COTL1: variants seen among roughly 807,000 people sequenced by gnomAD.
COTL1 encodes coactosin like F-actin binding protein 1, also known as coactosin-like protein.
Under a neutral mutation model 16.5 loss-of-function variants are expected in COTL1, and 15 were observed. The observed-to-expected ratio is 0.91, with a 90% CI of 0.61 to 1.40. The LOEUF (loss-of-function observed/expected upper bound fraction) is 1.40, where lower values mean the gene tolerates loss of function less well. COTL1 is among the 40% of genes most tolerant of loss of function. The pLI, the probability that COTL1 is intolerant of heterozygous loss-of-function variation, is 0.00. For synonymous variants in COTL1, 112 were observed against 85.3 expected, an observed-to-expected ratio of 1.31 and a Z score of -1.73; for missense variants, 220 against 201.5, an observed-to-expected ratio of 1.09 and a Z score of -0.56.
At position 84,598,859 on chromosome 16, in the gene COTL1, C is replaced by T. The variant is rs113445840; in HGVS notation, c.161-8597G>A. Among the ~76,000 whole-genome samples the T allele has an allele frequency of 9.7e-3, 1,060 of 109,302 alleles. 18 individuals are homozygous for T. Among genetic ancestry groups the T allele is most frequent in the African/African-American group, 0.036 (1,002 of 28,054 alleles). The allele number at this position is 109,302 out of a possible 152,430, so 71.7% of individuals were successfully genotyped here. Reference sequence around the variant, plus strand: ...CAAGCAGGGGGGGTCCAAGCGGGGTCGGGGGTGATCAGGCTGGAGCTGCTG... The same window carrying T: ...CAAGCAGGGGGGGTCCAAGCGGGGTTGGGGGTGATCAGGCTGGAGCTGCTG... On this transcript the variant is annotated intron_variant, in intron 2 of 3. Transcript: ENST00000262428.
At position 84,616,815 on chromosome 16, in the gene COTL1, T is replaced by C. The variant is rs564632663; in HGVS notation, c.160+686A>G. 4.6e-5 allele frequency among the ~76,000 whole-genome samples: 7 copies of C among 152,202 alleles called. No individual in the cohort carries two copies. In the South Asian group the frequency reaches 1.5e-3, roughly 32 times the overall value. On this transcript the variant is annotated intron_variant, in intron 2 of 3. Transcript: ENST00000262428. ...ACAGTCTGATGATTTTTCACGCGGGTACACACCTGCATAACCCCCTCCCAG... is the reference window on the plus strand; with the variant it reads ...ACAGTCTGATGATTTTTCACGCGGGCACACACCTGCATAACCCCCTCCCAG...
chr16:84,567,045 C>T, intron 3 of COTL1, 90 bp from the exon 4 acceptor site: 1 of 844,444 alleles, frequency 1.2e-6, no homozygotes, highest in Non-Finnish European at 2.0e-6. Flanking sequence ...GGAAGCAAAG[C>T]ACTGAAAACC....
chr16:84,602,641 G>T (rs1017400485), intron 2 of COTL1, among the ~76,000 whole-genome samples: 2 of 152,142 alleles, frequency 1.3e-5, no homozygotes, highest in African/African-American at 4.8e-5. Flanking sequence ...GATCACTTGA[G>T]CTCAGGAATT....
At chr16:84,587,234 A>G (rs1179548610) in intron 3 of COTL1, among the ~76,000 whole-genome samples, 1 of 152,254 alleles carries the variant, frequency 6.6e-6, no homozygotes, top group Non-Finnish European at 1.5e-5. Context: ...CAGCAGTGTC[A>G]ACCAGGAACG....
intron 3 of COTL1, chr16:84,576,912 A>G (rs1904465972): frequency 6.6e-6 from 1 of 152,266 alleles, no homozygotes; most frequent in Non-Finnish European, 1.5e-5. Flanking sequence ...CCGGGGATAG[A>G]CAAGACATGT....
At chr16:84,576,867 A>C (rs1904464781) in intron 3 of COTL1, 1 of 152,258 alleles carries the variant, frequency 6.6e-6, no homozygotes, top group Admixed American at 6.5e-5. Flanking sequence ...CGGTGTGGGG[A>C]CTAGAATCTC....
chr16:84,576,386 G>A (rs552595585), intron 3 of COTL1: 1 of 152,314 alleles, frequency 6.6e-6, no homozygotes, highest in East Asian at 1.9e-4. Context: ...TGGGGCCCAG[G>A]AGAGGAACTG....
chr16:84,611,984 G>A (rs1905339184), intron 2 of COTL1, among the ~76,000 whole-genome samples: 1 of 152,086 alleles, frequency 6.6e-6, no homozygotes. Flanking sequence ...CAGTGGCTCT[G>A]TCAGGTGAAC....
chr16:84,609,867 C>T (rs1394071458), intron 2 of COTL1, among the ~76,000 whole-genome samples: 2 of 152,164 alleles, frequency 1.3e-5, no homozygotes, highest in Non-Finnish European at 2.9e-5. Flanking sequence ...CTGAGGCCTC[C>T]CCAGCCATGC....
chr16:84,572,349 C>G (rs1346611036), intron 3 of COTL1, among the ~76,000 whole-genome samples: 3 of 152,212 alleles, frequency 2.0e-5, no homozygotes, highest in Non-Finnish European at 4.4e-5. Context: ...TTGCCAGCAC[C>G]CACATGCCAC....
intron 3 of COTL1, chr16:84,568,400 T>C (rs1159081134): frequency 2.0e-5 from 3 of 152,218 alleles, no homozygotes; most frequent in Non-Finnish European, 2.9e-5. Flanking sequence ...GCAACCCCTA[T>C]GTCCATCAAC....
chr16:84,600,244 G>A (rs1244175558), intron 2 of COTL1, among the ~76,000 whole-genome samples: 1 of 151,446 alleles, frequency 6.6e-6, no homozygotes, highest in Non-Finnish European at 1.5e-5. Flanking sequence ...TGTAAAAACT[G>A]AAACCCATTA....
At position 84,612,046 on chromosome 16, in the gene COTL1, C is replaced by T. The variant is rs115765790; in HGVS notation, c.160+5455G>A. Among the ~76,000 whole-genome samples the T allele has an allele frequency of 7.0e-3, 1,063 of 152,268 alleles. 11 individuals carry two copies. The highest frequency in any genetic ancestry group is 0.025 in the African/African-American group (1,024 of 41,538). On this transcript the variant is annotated intron_variant, in intron 2 of 3. Transcript: ENST00000262428. Reference sequence around the variant, plus strand: ...CCCATTTCCTTCCCATCATCTCTCCCCCTTCCATCTTCTTGGTGCTCTTGA... The same window carrying T: ...CCCATTTCCTTCCCATCATCTCTCCTCCTTCCATCTTCTTGGTGCTCTTGA...
chr16:84,600,200 C>T (rs146685566), intron 2 of COTL1, among the ~76,000 whole-genome samples: 68 of 152,280 alleles, frequency 4.5e-4, no homozygotes, highest in African/African-American at 1.5e-3. Context: ...ACCCTCCTGT[C>T]CTGCTCAAAA....
chr16:84,616,758 G>A (rs1905496483), intron 2 of COTL1, among the ~76,000 whole-genome samples: 1 of 152,160 alleles, frequency 6.6e-6, no homozygotes, highest in African/African-American at 2.4e-5. Context: ...CAAGCCACAG[G>A]GAAGTGCCTA....
At chr16:84,595,316 C>G (rs1365348323) in intron 2 of COTL1, 1 of 152,198 alleles carries the variant, frequency 6.6e-6, no homozygotes, top group African/African-American at 2.4e-5. Context: ...ATCCGAGTCA[C>G]GTTATGCTTA....
chr16:84,609,004 C>T (rs1202485599), intron 2 of COTL1, among the ~76,000 whole-genome samples: 1 of 152,182 alleles, frequency 6.6e-6, no homozygotes, highest in African/African-American at 2.4e-5. Flanking sequence ...CTGTTCAGCA[C>T]TTTATAACTG....
Position 84,613,662 on chromosome 16 carries a change from A to G in COTL1, c.160+3839T>C, listed in dbSNP as rs372265545. 2.0e-5 allele frequency among the ~76,000 whole-genome samples: 3 copies of G among 152,372 alleles called. No individual in the cohort carries two copies. The East Asian group carries it at 5.8e-4, about 29-fold the overall frequency. ...AAGAATTACCCCAGCAAGGGAGGAC[A>G]GAGTGGATACCAGACAAGGAAGATT... On this transcript the variant is annotated intron_variant, in intron 2 of 3. Transcript: ENST00000262428.
At chr16:84,574,407 C>A (rs530462219) in intron 3 of COTL1, among the ~76,000 whole-genome samples, 33 of 152,330 alleles carry the variant, frequency 2.2e-4, no homozygotes, top group African/African-American at 7.7e-4. Context: ...GAAGAAAGCT[C>A]TTTGTTTTGT....
Sources: allele counts gnomAD v4.1 joint callset (sites outside exome capture counted in the v4.1 genomes callset), GRCh38; gene constraint gnomAD v4.1.1; transcripts MANE v1.5; gene names NCBI Gene and HGNC (gene_info 2026-07-23, HGNC 2026-07-21).